ZGRF1: variants seen among roughly 807,000 people sequenced by gnomAD.
ZGRF1 encodes zinc finger GRF-type containing 1, also known as 5'-3' DNA helicase ZGRF1.
ZGRF1 carries 196 observed loss-of-function variants against 203.5 expected under a neutral mutation model. The observed-to-expected ratio is 0.96, with a 90% confidence interval of 0.86 to 1.08. ZGRF1 has a LOEUF of 1.08. ZGRF1 is among the 50% of genes least tolerant of loss of function. The pLI is 0.00. For synonymous variants in ZGRF1, 809 were observed against 841.3 expected (o/e 0.96, Z 0.66); for missense variants, 2,326 against 2,416.3 (o/e 0.96, Z 0.78).
At chr4:112,616,214 G>T (rs939662032) in intron 6 of ZGRF1, among the ~76,000 whole-genome samples, 11 of 152,152 alleles carry the variant, frequency 7.2e-5, no homozygotes, top group Admixed American at 2.6e-4. Context: ...TTCATATTGT[G>T]AGAGTACAGA....
rs577167652 is a variant in ZGRF1, at chr4:112,540,944, A to C, written c.5787T>G (p.Asp1929Glu). Residue 1929 changes from aspartate to glutamate, a missense_variant, in exon 26 of 28, where the codon GAT becomes GAG. Coordinates refer to ENST00000505019, the MANE Select transcript of ZGRF1 (RefSeq NM_018392.5). ...CTTCTGCCACATTATGAAAGCTGTT[A>C]TCTCTTTCTATCTGGAGTAAGAAAT... ...NVKGLEQIER[D>E]NSFHNVAEAT... 3 of 1,568,460 alleles carry C rather than the reference A, an allele frequency of 1.9e-6. No individual in the cohort carries two copies. Among genetic ancestry groups the C allele is most frequent in the Non-Finnish European group, 2.6e-6 (3 of 1,154,860 alleles).
chr4:112,587,582 T>C lies in ZGRF1; in HGVS notation c.3475A>G (p.Thr1159Ala). ...ATTCTCTTATCAACTCTGTTTGGAG[T>C]AGCCACGTTGCATTGGGATGTGTTT... The part of the protein sequence containing the change: ...YQNTSQCNVA[T>A]PNRVDKRITD... The change falls in exon 12 of 28, where the codon ACT becomes GCT. Residue 1159 changes from threonine (T) to alanine (A), a missense_variant. Coordinates refer to ENST00000505019, the MANE Select transcript of ZGRF1 (RefSeq NM_018392.5). 1 of 1,613,814 alleles carries C rather than the reference T, an allele frequency of 6.2e-7. No homozygotes were observed. The highest frequency in any genetic ancestry group is 8.5e-7 in the Non-Finnish European group (1 of 1,179,832).
In ZGRF1 at chr4:112,548,339, T is replaced by C; in HGVS notation, c.5388A>G (p.Pro1796=). The change falls in exon 23 of 28, where the codon CCA becomes CCG. Residue 1796 remains proline (P), a synonymous_variant. Coordinates refer to ENST00000505019, the MANE Select transcript of ZGRF1 (RefSeq NM_018392.5). ...VGVTCAACPF[P]CMNDLKFPVV... ...CAGGAAATTTAAGATCATTCATGCA[T>C]GGGAATGGGCAGGCTGCACAGGTAA... 6.4e-7 allele frequency: 1 copy of C among 1,555,058 alleles called. No homozygotes were observed. Among genetic ancestry groups the C allele is most frequent in the Non-Finnish European group, 8.7e-7 (1 of 1,148,448 alleles).
Position 112,587,943 on chromosome 4 carries a change from G to C in ZGRF1, c.3128-14C>G. ...ATTTTTTCATCCCTGAAAGAAAACA[G>C]AATGCTGATTAAATAAAAATGTTCT... is the stretch of plus-strand genomic sequence containing the variant. On this transcript the variant is annotated splice_polypyrimidine_tract_variant and intron_variant, in intron 11 of 27. Coordinates refer to ENST00000505019, the MANE Select transcript of ZGRF1 (RefSeq NM_018392.5). 3 of 1,501,208 alleles carry C rather than the reference G, an allele frequency of 2.0e-6. No individual in the cohort carries two copies. Among genetic ancestry groups the C allele is most frequent in the Non-Finnish European group, 2.7e-6 (3 of 1,126,030 alleles). 93.0% of individuals were successfully genotyped at this position (1,501,208 alleles called of 1,614,324 possible). A position where few individuals can be genotyped will look rare whatever the true frequency, so the allele number is the denominator to read the frequency against.
Position 112,619,970 on chromosome 4 carries a change from T to C in ZGRF1, c.351+32A>G, listed in dbSNP as rs2047011479. The C allele has an allele frequency of 4.1e-6, 6 of 1,463,240 alleles. No individual in the cohort carries two copies. In the South Asian group the frequency reaches 8.4e-5, roughly 20 times the overall value. The allele number at this position is 1,463,240 out of a possible 1,614,324, so 90.6% of individuals were successfully genotyped here. On this transcript the variant is annotated intron_variant, in intron 5 of 27. Coordinates refer to ENST00000505019, the MANE Select transcript of ZGRF1 (RefSeq NM_018392.5). ...TTTCGAGACAATTTTATAAATATAT[T>C]TTGATATATTATTTTCCATAGCAAA...
At chr4:112,567,414 G>C (rs1014753545) in intron 16 of ZGRF1, among the ~76,000 whole-genome samples, 2 of 152,108 alleles carry the variant, frequency 1.3e-5, no homozygotes, top group African/African-American at 4.8e-5. Context: ...AGAATTGATG[G>C]GCAAATAATT....
At chr4:112,542,001 C>T (rs966486819) in intron 24 of ZGRF1, among the ~76,000 whole-genome samples, 1 of 152,192 alleles carries the variant, frequency 6.6e-6, no homozygotes, top group Non-Finnish European at 1.5e-5. Flanking sequence ...TCATAAAATC[C>T]AAGTCCTATC....
chr4:112,558,622 G>T (rs1741393555), intron 19 of ZGRF1, among the ~76,000 whole-genome samples: 2 of 152,222 alleles, frequency 1.3e-5, no homozygotes, highest in Admixed American at 1.3e-4. Context: ...GCCTCCCAAA[G>T]TGCTGGAATT....
At chr4:112,573,167 T>TACACACACACACAC (rs145611842) in intron 16 of ZGRF1, among the ~76,000 whole-genome samples, 1 of 145,512 alleles carries the variant, frequency 6.9e-6, no homozygotes, top group Non-Finnish European at 1.5e-5. Context: ...GAAATTGTGA[T>TACACACACACACAC]ACACACACAC....
intron 22 of ZGRF1, among the ~76,000 whole-genome samples, chr4:112,548,620 T>C (rs1285670661): frequency 1.3e-5 from 2 of 151,248 alleles, no homozygotes; most frequent in Admixed American, 1.3e-4. Flanking sequence ...ATAAAAGACA[T>C]ATTTTGATAT....
chr4:112,576,301 T>C (rs1220765132), intron 16 of ZGRF1, among the ~76,000 whole-genome samples: 1 of 151,956 alleles, frequency 6.6e-6, no homozygotes, highest in Non-Finnish European at 1.5e-5. Flanking sequence ...CAAAGACCAA[T>C]GGTAGATAAA....
intron 9 of ZGRF1, among the ~76,000 whole-genome samples, chr4:112,604,955 TGAA>T (rs1750551176): frequency 6.6e-6 from 1 of 152,188 alleles, no homozygotes; most frequent in Non-Finnish European, 1.5e-5. Flanking sequence ...TATTCAAAAA[TGAA>T]GAACTGTAAA....
At chr4:112,541,820 C>T (rs1383545887) in intron 24 of ZGRF1, among the ~76,000 whole-genome samples, 1 of 152,026 alleles carries the variant, frequency 6.6e-6, no homozygotes, top group Non-Finnish European at 1.5e-5. Context: ...AGCCACCACG[C>T]CTGGCCAACA....
chr4:112,579,209 C>CA (rs1745770483), intron 16 of ZGRF1, among the ~76,000 whole-genome samples: 1 of 122,800 alleles, frequency 8.1e-6, no homozygotes, highest in East Asian at 2.4e-4. Flanking sequence ...AGGCCTTTGA[C>CA]AAAATTCAAC....
At chr4:112,592,243 G>A (rs1748301270) in intron 10 of ZGRF1, among the ~76,000 whole-genome samples, 3 of 151,936 alleles carry the variant, frequency 2.0e-5, no homozygotes, top group South Asian at 2.1e-4. Flanking sequence ...GACTACAGGC[G>A]TGTGCCACCA....
Position 112,603,616 on chromosome 4 carries a change from A to G in ZGRF1, c.2884T>C (p.Cys962Arg). 1 of 1,613,932 alleles carries G rather than the reference A, an allele frequency of 6.2e-7. No individual in the cohort carries two copies. The highest frequency in any genetic ancestry group is 8.5e-7 in the Non-Finnish European group (1 of 1,179,822). The change falls in exon 10 of 28, where the codon TGC becomes CGC. Residue 962 changes from cysteine (C) to arginine (R), a missense_variant. By Grantham distance (180) the Cys-to-Arg change is radical. Coordinates refer to ENST00000505019, the MANE Select transcript of ZGRF1 (RefSeq NM_018392.5). ...MVRGHSSQLG[C>R]SQFPDSTEYE... ...TCAGTGCTATCTGGAAACTGACTGC[A>G]TCCTAGCTGTGAGCTGTGTCCTCTG... is the stretch of plus-strand genomic sequence containing the variant.
In ZGRF1 at chr4:112,587,310, G is replaced by A; in HGVS notation, c.3747C>T (p.Thr1249=). 1 of 1,612,266 alleles carries A rather than the reference G, an allele frequency of 6.2e-7. No individual in the cohort carries two copies. Among genetic ancestry groups the A allele is most frequent in the South Asian group, 1.1e-5 (1 of 90,962 alleles). Residue 1249 remains threonine, a synonymous_variant, in exon 12 of 28, where the codon ACC becomes ACT. Coordinates refer to ENST00000505019, the MANE Select transcript of ZGRF1 (RefSeq NM_018392.5). ...AATCCTTTACACTGTAGTTGTAGCA[G>A]GTAGACCCTCCTAATACATTTTTAA... The part of the protein sequence containing the change: ...EEIKNVLGGS[T]CYNYSVKDLQ...
At position 112,614,317 on chromosome 4, in the gene ZGRF1, G is replaced by A. The variant is rs527892472; in HGVS notation, c.2603-1729C>T. 3.9e-5 allele frequency among the ~76,000 whole-genome samples: 6 copies of A among 152,290 alleles called. No individual in the cohort carries two copies. The South Asian group carries it at 1.2e-3, about 32-fold the overall frequency. On this transcript the variant is annotated intron_variant, in intron 6 of 27. Transcript: ENST00000505019. ...TCATGGATTCTGCCTACTCCCTAAA[G>A]TTTATTTGTAACCCCAAATCAGTAT...
intron 16 of ZGRF1, among the ~76,000 whole-genome samples, chr4:112,569,533 C>A (rs866019843): frequency 6.6e-6 from 1 of 151,898 alleles, no homozygotes; most frequent in African/African-American, 2.4e-5. Context: ...GGGGGCAGGG[C>A]GGGCAAGAGT....
Sources: allele counts gnomAD v4.1 joint callset (sites outside exome capture counted in the v4.1 genomes callset), GRCh38; gene constraint gnomAD v4.1.1; transcripts MANE v1.5; gene names NCBI Gene and HGNC (gene_info 2026-07-23, HGNC 2026-07-21).